PLA2R1: variants seen among roughly 807,000 people sequenced by gnomAD.
PLA2R1 encodes secretory phospholipase A2 receptor.
In PLA2R1, 158 loss-of-function variants were observed where a neutral mutation model predicts 195.9. That is an observed-to-expected ratio of 0.81 (90% CI 0.71 to 0.92). PLA2R1 has a LOEUF of 0.92. PLA2R1 is among the 40% of genes least tolerant of loss of function. The pLI, the probability that PLA2R1 is intolerant of heterozygous loss-of-function variation, is 0.00. For synonymous variants in PLA2R1, 586 were observed against 598.2 expected (o/e 0.98, Z 0.30); for missense variants, 1,626 against 1,764.6 (o/e 0.92, Z 1.41).
intron 20 of PLA2R1, among the ~76,000 whole-genome samples, chr2:159,965,717 A>C (rs1688744992): frequency 6.6e-6 from 1 of 152,218 alleles, no homozygotes. Context: ...AGAAACTGCC[A>C]AACTGTCTCC....
At chr2:159,975,618 A>T (rs1267299447) in intron 17 of PLA2R1, among the ~76,000 whole-genome samples, 1 of 152,084 alleles carries the variant, frequency 6.6e-6, no homozygotes, top group African/African-American at 2.4e-5. Context: ...CCTCTGTGGC[A>T]TTTATCCACT....
chr2:159,944,028 G>A (rs1429304642), intron 28 of PLA2R1, among the ~76,000 whole-genome samples: 1 of 151,972 alleles, frequency 6.6e-6, no homozygotes, highest in Admixed American at 6.6e-5. Flanking sequence ...TTCATCACAG[G>A]TGTCTACAGA....
At chr2:159,995,222 C>T (rs1054300732) in intron 11 of PLA2R1, among the ~76,000 whole-genome samples, 5 of 152,044 alleles carry the variant, frequency 3.3e-5, no homozygotes, top group Admixed American at 6.6e-5. Context: ...ACATTTTCAT[C>T]TTATTCAGAG....
intron 14 of PLA2R1, among the ~76,000 whole-genome samples, chr2:159,978,192 G>C (rs903225055): frequency 1.3e-5 from 2 of 152,022 alleles, no homozygotes; most frequent in African/African-American, 4.8e-5. Flanking sequence ...GCTTTAATCA[G>C]GAATCTATCA....
chr2:159,961,842 A>G (rs373336801), intron 20 of PLA2R1, among the ~76,000 whole-genome samples: 4 of 152,210 alleles, frequency 2.6e-5, no homozygotes, highest in African/African-American at 9.7e-5. Context: ...GCTGAACCAG[A>G]AACAACTATT....
rs373199868 is a variant in PLA2R1 at position 160,007,486 on chromosome 2, G to A, written c.1665-1665C>T. 2.6e-5 allele frequency among the ~76,000 whole-genome samples: 4 copies of A among 152,338 alleles called. No individual in the cohort carries two copies. The East Asian group carries it at 5.8e-4, about 22-fold the overall frequency. On this transcript the variant is annotated intron_variant, in intron 10 of 29. Transcript: ENST00000283243. ...GGCCTTAGCTGGAAGACAGACAAGC[G>A]GCTGGACATCCAGAGGAACACACCG...
intron 7 of PLA2R1, among the ~76,000 whole-genome samples, chr2:160,021,791 C>G (rs1374403279): frequency 1.3e-5 from 2 of 152,036 alleles, no homozygotes; most frequent in Non-Finnish European, 2.9e-5. Flanking sequence ...TATTTTTTTC[C>G]TTTTTCTTTT....
intron 1 of PLA2R1, among the ~76,000 whole-genome samples, chr2:160,046,632 A>C (rs761932640): frequency 2.0e-5 from 3 of 152,162 alleles, no homozygotes; most frequent in African/African-American, 2.4e-5. Flanking sequence ...ACCTCATCTA[A>C]TAGTTGATGA....
chr2:160,020,115 T>C lies in PLA2R1; in HGVS notation c.1443A>G (p.Ala481=). 1.9e-6 allele frequency: 3 copies of C among 1,612,958 alleles called. No individual in the cohort carries two copies. The highest frequency in any genetic ancestry group is 2.5e-6 in the Non-Finnish European group (3 of 1,179,406). ...AAATGAATCAACTTACAGACTGCTC[T>C]GCTGAGACACACAGCTGGCTTCTAT... ...FPNRSQLCVS[A]EQSEGHWKVK... The change falls in exon 8 of 30, where the codon GCA becomes GCG. Residue 481 remains alanine (A), a synonymous_variant. Coordinates refer to ENST00000283243, the MANE Select transcript of PLA2R1 (RefSeq NM_007366.5).
intron 29 of PLA2R1, 39 bp downstream of exon 29, chr2:159,942,088 T>C: frequency 6.3e-7 from 1 of 1,598,716 alleles, no homozygotes; most frequent in Non-Finnish European, 8.6e-7. Flanking sequence ...TTATTATTTC[T>C]AAGAAAAATC....
intron 14 of PLA2R1, among the ~76,000 whole-genome samples, chr2:159,977,746 G>A (rs1689673839): frequency 6.6e-6 from 1 of 152,042 alleles, no homozygotes; most frequent in Non-Finnish European, 1.5e-5. Context: ...GACCATCCTG[G>A]CTAACACGGT....
At chr2:159,949,570 A>G (rs1179647328) in intron 25 of PLA2R1, 38 bp downstream of exon 25, 2 of 1,499,440 alleles carry the variant, frequency 1.3e-6, no homozygotes, top group East Asian at 2.3e-5. Flanking sequence ...CAGTAGTTAA[A>G]TAAGGTATAT....
intron 11 of PLA2R1, among the ~76,000 whole-genome samples, chr2:159,990,554 C>G (rs1032399934): frequency 6.6e-6 from 1 of 152,194 alleles, no homozygotes; most frequent in African/African-American, 2.4e-5. Context: ...TGGTTCCCTG[C>G]AACAACCCTT....
chr2:159,951,913 A>C lies in PLA2R1; in HGVS notation c.3302-335T>G, dbSNP rs114788951. On this transcript the variant is annotated intron_variant, in intron 23 of 29. Coordinates refer to ENST00000283243, the MANE Select transcript of PLA2R1 (RefSeq NM_007366.5). ...AGGTGGGTTTCACTCCACTAACTAC[A>C]CTTGGCTTAATCCACACTGCTGTGG... 3.3e-3 allele frequency among the ~76,000 whole-genome samples: 499 copies of C among 152,284 alleles called. 4 individuals carry two copies. Among genetic ancestry groups the C allele is most frequent in the African/African-American group, 0.012 (487 of 41,562 alleles).
rs34457845 is a variant in PLA2R1 at position 160,042,858 on chromosome 2, GGA to G, written c.494-662_494-661del. ...GTGTGTGTGTATGTGTGAGACAGAGGGAGAGAGAGAGAGAGAGAGAAAGTGAG... is the reference window on the plus strand; with the variant it reads ...GTGTGTGTGTATGTGTGAGACAGAGGGAGAGAGAGAGAGAGAGAAAGTGAG... On this transcript the variant is annotated intron_variant, in intron 2 of 29. Coordinates refer to ENST00000283243, the MANE Select transcript of PLA2R1 (RefSeq NM_007366.5). 1.2e-3 allele frequency among the ~76,000 whole-genome samples: 168 copies of G among 139,772 alleles called. 2 individuals are homozygous for G. The highest frequency in any genetic ancestry group is 2.8e-3 in the Admixed American group (38 of 13,810). The allele number at this position is 139,772 out of a possible 152,430, so 91.7% of individuals were successfully genotyped here. A position where few individuals can be genotyped will look rare whatever the true frequency, so the allele number is the denominator to read the frequency against.
At chr2:160,010,398 G>A (rs1035324578) in intron 10 of PLA2R1, among the ~76,000 whole-genome samples, 1 of 152,198 alleles carries the variant, frequency 6.6e-6, no homozygotes, top group Admixed American at 6.5e-5. Flanking sequence ...ATAAGGATCT[G>A]TTTTTCTTCC....
intron 28 of PLA2R1, among the ~76,000 whole-genome samples, chr2:159,943,095 T>C (rs934981386): frequency 1.5e-5 from 2 of 135,834 alleles, no homozygotes; most frequent in Non-Finnish European, 3.5e-5. Context: ...TCAGCTTCCT[T>C]AGTATCTGGG....
At chr2:160,003,371 A>G (rs1434478341) in intron 11 of PLA2R1, among the ~76,000 whole-genome samples, 5 of 152,096 alleles carry the variant, frequency 3.3e-5, no homozygotes, top group Non-Finnish European at 5.9e-5. Flanking sequence ...AAAACATACC[A>G]TAGAAAAATT....
intron 11 of PLA2R1, among the ~76,000 whole-genome samples, chr2:159,990,197 G>A (rs1306905679): frequency 6.6e-6 from 1 of 152,022 alleles, no homozygotes; most frequent in African/African-American, 2.4e-5. Context: ...GAGCAGAGGC[G>A]AATTTTCTTT....
Sources: allele counts gnomAD v4.1 joint callset (sites outside exome capture counted in the v4.1 genomes callset), GRCh38; gene constraint gnomAD v4.1.1; transcripts MANE v1.5; gene names NCBI Gene and HGNC (gene_info 2026-07-23, HGNC 2026-07-21).